COL6A6: variants seen among roughly 807,000 people sequenced by gnomAD.
The protein encoded by COL6A6 is collagen alpha-6(VI) chain.
A neutral mutation model predicts 208.6 loss-of-function variants in COL6A6; 183 were observed. The ratio of observed to expected loss-of-function variants is 0.88; its 90% CI spans 0.78 to 0.99. The LOEUF (loss-of-function observed/expected upper bound fraction) is 0.99, where lower values mean the gene tolerates loss of function less well. COL6A6 is among the 50% of genes least tolerant of loss of function. The pLI, the probability that COL6A6 is intolerant of heterozygous loss-of-function variation, is 0.00. For synonymous variants in COL6A6, 973 were observed against 1,011.8 expected, an observed-to-expected ratio of 0.96 and a Z score of 0.73; for missense variants, 2,816 against 2,815.2, an observed-to-expected ratio of 1.00 and a Z score of -0.01.
At chr3:130,596,266 A>G (rs1174027421) in intron 18 of COL6A6, among the ~76,000 whole-genome samples, 2 of 152,252 alleles carry the variant, frequency 1.3e-5, no homozygotes, top group Admixed American at 1.3e-4. Flanking sequence ...ACTTAGAAAT[A>G]TTAGTTCAAA....
intron 11 of COL6A6, among the ~76,000 whole-genome samples, chr3:130,586,927 A>G (rs1384916165): frequency 1.3e-5 from 2 of 152,196 alleles, no homozygotes; most frequent in African/African-American, 2.4e-5. Context: ...AGCACCCACA[A>G]TCATGTCCAA....
intron 13 of COL6A6, among the ~76,000 whole-genome samples, chr3:130,591,494 A>C (rs965087678): frequency 6.6e-6 from 1 of 152,166 alleles, no homozygotes; most frequent in Non-Finnish European, 1.5e-5. Flanking sequence ...TTTGTTTACC[A>C]ATTATATATA....
intron 18 of COL6A6, among the ~76,000 whole-genome samples, chr3:130,597,780 T>C (rs1294080111): frequency 6.6e-6 from 1 of 152,126 alleles, no homozygotes; most frequent in Admixed American, 6.6e-5. Flanking sequence ...ATTTCAGGAT[T>C]TTTTGGAAAC....
chr3:130,650,407 G>A (rs1435723665), intron 33 of COL6A6, among the ~76,000 whole-genome samples: 2 of 152,190 alleles, frequency 1.3e-5, no homozygotes, highest in African/African-American at 4.8e-5. Flanking sequence ...TGGATCACAA[G>A]GTCAGGAGAT....
intron 28 of COL6A6, among the ~76,000 whole-genome samples, chr3:130,639,042 T>C (rs1178675261): frequency 1.3e-5 from 2 of 152,222 alleles, no homozygotes; most frequent in Non-Finnish European, 2.9e-5. Flanking sequence ...CTATTCCCTA[T>C]TTATAAAATA....
At position 130,649,410 on chromosome 3, in the gene COL6A6, G is replaced by A. The variant is rs909530881; in HGVS notation, c.5581G>A (p.Ala1861Thr). 5 of 1,612,846 alleles carry A rather than the reference G, an allele frequency of 3.1e-6. No individual in the cohort carries two copies. Among genetic ancestry groups the A allele is most frequent in the South Asian group, 2.2e-5 (2 of 90,740 alleles). The change falls in exon 33 of 37, where the codon GCA becomes ACA. Residue 1861 changes from alanine (A) to threonine (T), a missense_variant. Transcript: ENST00000358511. ...TGTCTTCAAGCGGACGCTTCCGGGG[G>A]CACACACGAGAAAAATCGCCACATT... ...RNVFKRTLPG[A>T]HTRKIATFFS...
chr3:130,648,072 A>T (rs1298281683), intron 32 of COL6A6, among the ~76,000 whole-genome samples: 2 of 152,238 alleles, frequency 1.3e-5, no homozygotes. Flanking sequence ...TCAGATAATC[A>T]AAAATAAGTT....
chr3:130,646,206 A>T (rs2065457251), intron 32 of COL6A6, among the ~76,000 whole-genome samples: 1 of 152,000 alleles, frequency 6.6e-6, no homozygotes, highest in Non-Finnish European at 1.5e-5. Context: ...GGATAATGTA[A>T]GGGGGGGAGA....
chr3:130,593,071 G>A lies in COL6A6; in HGVS notation c.4382G>A (p.Gly1461Glu). Residue 1461 changes from glycine to glutamate, a missense_variant, in exon 16 of 37, where the codon GGG (glycine) becomes GAG (glutamate). Transcript: ENST00000358511. ...RGLNGQEGEV[G>E]ENGIDGLNGE... ...TATCTATCTTTTCAGGGAGAAGTTGGGGAAAATGGAATTGACGGATTAAAC... is the reference window on the plus strand; with the variant it reads ...TATCTATCTTTTCAGGGAGAAGTTGAGGAAAATGGAATTGACGGATTAAAC... The A allele has an allele frequency of 1.9e-6, 3 of 1,613,562 alleles. No homozygotes were observed. Among genetic ancestry groups the A allele is most frequent in the East Asian group, 2.2e-5 (1 of 44,872 alleles).
chr3:130,539,529 G>C (rs6439242), intron 1 of COL6A6, among the ~76,000 whole-genome samples: 12,034 of 152,034 alleles, frequency 0.079, 1,533 homozygotes, highest in African/African-American at 0.26. Context: ...AGCTACTCAG[G>C]AGGCTGAGGC....
chr3:130,667,387 C>T (rs1232643315), intron 36 of COL6A6, among the ~76,000 whole-genome samples: 1 of 152,126 alleles, frequency 6.6e-6, no homozygotes, highest in Non-Finnish European at 1.5e-5. Flanking sequence ...CAGGTGTGCA[C>T]CACCACGCCT....
chr3:130,641,754 A>G, intron 29 of COL6A6, 40 bp downstream of exon 29: 2 of 1,258,636 alleles, frequency 1.6e-6, no homozygotes, highest in Non-Finnish European at 2.3e-6. Flanking sequence ...GTCCTTTTCC[A>G]TTAAAAAAAA....
chr3:130,600,768 C>T (rs1000239842), intron 20 of COL6A6, among the ~76,000 whole-genome samples: 6 of 152,072 alleles, frequency 3.9e-5, no homozygotes, highest in African/African-American at 1.4e-4. Context: ...GCATGTGGGG[C>T]ATAAAACCTA....
intron 36 of COL6A6, among the ~76,000 whole-genome samples, chr3:130,673,370 C>G (rs1309899543): frequency 6.6e-6 from 1 of 151,360 alleles, no homozygotes; most frequent in Admixed American, 6.6e-5. Context: ...TAAGCACTTA[C>G]TAATTTAACA....
intron 1 of COL6A6, among the ~76,000 whole-genome samples, chr3:130,526,946 G>A (rs73870064): frequency 0.028 from 4,251 of 152,244 alleles, 212 homozygotes; most frequent in African/African-American, 0.097. Context: ...AAACTAAAAC[G>A]ATCTTATTCT....
chr3:130,581,461 A>G (rs1159027788), intron 8 of COL6A6, 100 bp from the exon 9 acceptor site: 25 of 831,250 alleles, frequency 3.0e-5, no homozygotes, highest in Non-Finnish European at 4.7e-5. Context: ...CAACTTTATA[A>G]CTGAAATAGA....
chr3:130,655,791 G>A (rs1454335948), intron 33 of COL6A6, among the ~76,000 whole-genome samples: 1 of 152,232 alleles, frequency 6.6e-6, no homozygotes, highest in Non-Finnish European at 1.5e-5. Context: ...GGCCAGTGGT[G>A]CCTTTGCCCA....
rs1361017015 is a variant in COL6A6, at chr3:130,582,025, T to C, written c.3927T>C (p.Asp1309=). The C allele has an allele frequency of 1.2e-6, 2 of 1,610,314 alleles. No homozygotes were observed. The highest frequency in any genetic ancestry group is 1.3e-5 in the African/African-American group (1 of 74,806). Residue 1309 remains aspartate, a synonymous_variant, in exon 10 of 37, where the codon GAT becomes GAC. Transcript: ENST00000358511. The stretch of plus-strand genomic sequence containing the variant: ...TATTTTCAGATGGATTGGATGATGA[T>C]GTTGAGAAACTTGAACAAAAATCTG... ...VLLFSDGLDD[D]VEKLEQKSDE...
intron 35 of COL6A6, among the ~76,000 whole-genome samples, 187 bp from the exon 36 acceptor site, chr3:130,664,816 A>T (rs754166850): frequency 1.1e-4 from 16 of 152,152 alleles, no homozygotes; most frequent in Admixed American, 3.9e-4. Context: ...TTCAGAAGGG[A>T]TGTGTTTTCT....
Sources: gnomAD v4.1 joint callset for allele counts (sites outside exome capture counted in the v4.1 genomes callset) on GRCh38, gnomAD v4.1.1 for gene constraint, MANE v1.5 for transcripts, NCBI Gene and HGNC (gene_info 2026-07-23, HGNC 2026-07-21) for gene names.